The following BCAT1 variants were observed in gnomAD, a reference collection of about 807,000 sequenced individuals.
BCAT1 encodes branched-chain-amino-acid aminotransferase, cytosolic.
BCAT1 carries 48 observed loss-of-function variants against 52.4 expected under a neutral mutation model. That is an observed-to-expected ratio of 0.92 (90% CI 0.73 to 1.16). The LOEUF (loss-of-function observed/expected upper bound fraction) is 1.16, where lower values mean the gene tolerates loss of function less well. Ranked by LOEUF, BCAT1 falls within the 50% of genes most tolerant of loss-of-function variation. The probability of loss-of-function intolerance (pLI) is 0.00; values close to 1 mark genes in which losing one functional copy is unlikely to be tolerated. For missense variants in BCAT1, 451 were observed against 457.1 expected (o/e 0.99, Z 0.12); for synonymous variants, 167 against 161.3 (o/e 1.04, Z -0.27).
intron 6 of BCAT1, among the ~76,000 whole-genome samples, chr12:24,843,976 C>G (rs1941256576): frequency 6.6e-6 from 1 of 152,090 alleles, no homozygotes; most frequent in Admixed American, 6.5e-5. Context: ...AAGAAAGCGG[C>G]TGAAGTGGGA....
chr12:24,818,145 G>A, intron 10 of BCAT1, 96 bp from the exon 11 acceptor site: 1 of 1,223,740 alleles, frequency 8.2e-7, no homozygotes. Flanking sequence ...TACACAAAAG[G>A]TTCGCTTCTG....
Position 24,894,454 on chromosome 12 carries a change from G to A in BCAT1, c.100C>T (p.Pro34Ser). ...GGTTTTTCCTTTAAAATGGTAGCTGGTGTGACTATTAGGTCTTTAGCCTGG... is the reference window on the plus strand; with the variant it reads ...GGTTTTTCCTTTAAAATGGTAGCTGATGTGACTATTAGGTCTTTAGCCTGG... ...TFKAKDLIVT[P>S]ATILKEKPDP... Residue 34 changes from proline (P) to serine (S), a missense_variant, in exon 3 of 11, where the codon CCA (proline) becomes TCA (serine). Transcript: ENST00000261192. 6.3e-7 allele frequency: 1 copy of A among 1,595,778 alleles called. No homozygotes were observed. Among genetic ancestry groups the A allele is most frequent in the Non-Finnish European group, 8.5e-7 (1 of 1,170,226 alleles).
chr12:24,832,971 C>T, intron 8 of BCAT1, 108 bp from the exon 9 acceptor site: 5 of 1,188,256 alleles, frequency 4.2e-6, no homozygotes, highest in Non-Finnish European at 5.8e-6. Flanking sequence ...TAGACAAGGT[C>T]ACAATCATCC....
In BCAT1 at chr12:24,842,003, A is replaced by G. The variant is rs187628514; in HGVS notation, c.817+79T>C. 1.1e-4 allele frequency: 168 copies of G among 1,511,238 alleles called. 1 individual carries two copies. The highest frequency in any genetic ancestry group is 7.2e-4 in the East Asian group (32 of 44,328). The allele number at this position is 1,511,238 out of a possible 1,614,324, so 93.6% of individuals were successfully genotyped here. The stretch of plus-strand genomic sequence containing the variant: ...GGAACTGTGCTACTTACTCCCTTGT[A>G]CTAAGTTTCTAGCTCTTGTCTTTCT... On this transcript the variant is annotated intron_variant, in intron 7 of 10. Coordinates refer to ENST00000261192, the MANE Select transcript of BCAT1 (RefSeq NM_005504.7).
chr12:24,894,454 G>GT lies in BCAT1; in HGVS notation c.99dup (p.Pro34ThrfsTer13). 1 of 1,595,778 alleles carries GT rather than the reference G, an allele frequency of 6.3e-7. No homozygotes were observed. The highest frequency in any genetic ancestry group is 1.3e-5 in the African/African-American group (1 of 74,708). ...GGTTTTTCCTTTAAAATGGTAGCTG[G>GT]TGTGACTATTAGGTCTTTAGCCTGG... is the stretch of plus-strand genomic sequence containing the variant. On this transcript the variant is annotated frameshift_variant, in exon 3 of 11. Transcript: ENST00000261192. LOFTEE classifies it high-confidence loss of function.
At chr12:24,893,841 C>T (rs894238265) in intron 3 of BCAT1, among the ~76,000 whole-genome samples, 66 of 152,288 alleles carry the variant, frequency 4.3e-4, no homozygotes, top group African/African-American at 1.6e-3. Context: ...CATTTAATTA[C>T]ATGTCCCTTA....
chr12:24,881,689 G>A (rs1942502217), intron 3 of BCAT1, among the ~76,000 whole-genome samples: 1 of 152,150 alleles, frequency 6.6e-6, no homozygotes, highest in African/African-American at 2.4e-5. Context: ...ACACATTTAG[G>A]TGTTATTTAA....
At chr12:24,857,923 T>A (rs530714967) in intron 5 of BCAT1, among the ~76,000 whole-genome samples, 1 of 152,214 alleles carries the variant, frequency 6.6e-6, no homozygotes, top group African/African-American at 2.4e-5. Context: ...CACGTTTGGA[T>A]CAGAGAAGCA....
At chr12:24,827,380 A>G in intron 10 of BCAT1, among the ~76,000 whole-genome samples, 1 of 152,224 alleles carries the variant, frequency 6.6e-6, no homozygotes, top group Non-Finnish European at 1.5e-5. Context: ...GGTAGAAAAC[A>G]ACTCTGACTA....
At chr12:24,878,390 A>G in intron 5 of BCAT1, 140 bp downstream of exon 5, 1 of 798,334 alleles carries the variant, frequency 1.3e-6, no homozygotes, top group Non-Finnish European at 1.8e-6. Flanking sequence ...TGCTACCTCT[A>G]ATCTTGACAA....
intron 5 of BCAT1, among the ~76,000 whole-genome samples, chr12:24,868,946 A>G (rs1942102788): frequency 6.6e-6 from 1 of 152,246 alleles, no homozygotes; most frequent in African/African-American, 2.4e-5. Flanking sequence ...TGATATATGT[A>G]TCAAAGGATT....
intron 2 of BCAT1, among the ~76,000 whole-genome samples, chr12:24,899,099 A>T (rs553047518): frequency 2.0e-5 from 3 of 152,302 alleles, no homozygotes; most frequent in African/African-American, 7.2e-5. Context: ...GAAGAAATAG[A>T]TGGCTGACCT....
chr12:24,864,593 A>G (rs149686700), intron 5 of BCAT1, among the ~76,000 whole-genome samples: 81 of 152,248 alleles, frequency 5.3e-4, no homozygotes, highest in African/African-American at 1.8e-3. Context: ...CATTTTAACT[A>G]TCAGTTTTCC....
chr12:24,933,158 G>A (rs896922874), intron 1 of BCAT1, among the ~76,000 whole-genome samples: 1 of 106,598 alleles, frequency 9.4e-6, no homozygotes, highest in Non-Finnish European at 1.7e-5. Flanking sequence ...AAGCAGAGAT[G>A]AGGTTTCGCT....
chr12:24,828,567 T>C (rs2046526), intron 10 of BCAT1, among the ~76,000 whole-genome samples: 43,913 of 152,094 alleles, frequency 0.29, 6,821 homozygotes, highest in Non-Finnish European at 0.32. Context: ...GGTACATCAA[T>C]ATAATGGAAT....
chr12:24,846,585 G>A (rs534438010), intron 6 of BCAT1, among the ~76,000 whole-genome samples: 1 of 152,166 alleles, frequency 6.6e-6, no homozygotes, highest in Non-Finnish European at 1.5e-5. Flanking sequence ...CTAAGATAAA[G>A]AGAGTCCAGG....
chr12:24,816,441 T>C lies in BCAT1; in HGVS notation c.*1567A>G, dbSNP rs991207326. 23 of 397,752 alleles carry C rather than the reference T, an allele frequency of 5.8e-5. No individual in the cohort carries two copies. The highest frequency in any genetic ancestry group is 9.3e-5 in the Non-Finnish European group (21 of 225,572). 24.6% of individuals were successfully genotyped at this position (397,752 alleles called of 1,614,324 possible). On this transcript the variant is annotated 3_prime_UTR_variant, in exon 11 of 11. Transcript: ENST00000261192. ...CTTAGATAAACCACAAAGGATACAA[T>C]TTTAACTCACAGCTCCTAAACAAGG...
intron 1 of BCAT1, among the ~76,000 whole-genome samples, chr12:24,928,976 G>A (rs1202018123): frequency 6.6e-6 from 1 of 151,880 alleles, no homozygotes; most frequent in African/African-American, 2.4e-5. Flanking sequence ...GGCCAGGCTG[G>A]CCTCGAACTC....
In BCAT1 at chr12:24,832,838, T is replaced by A. The variant is rs1359295159; in HGVS notation, c.929A>T (p.Tyr310Phe). The A allele has an allele frequency of 6.2e-7, 1 of 1,612,128 alleles. No homozygotes were observed. Among genetic ancestry groups the A allele is most frequent in the Admixed American group, 1.7e-5 (1 of 59,742 alleles). ...TGTTGTCAAGTCATCCATGGTGAGGTATCTCTCTGACACCTTAAATTCACC... is the reference window on the plus strand; with the variant it reads ...TGTTGTCAAGTCATCCATGGTGAGGAATCTCTCTGACACCTTAAATTCACC... Reference protein sequence around the residue: ...QWGEFKVSERYLTMDDLTTAL... With the variant: ...QWGEFKVSERFLTMDDLTTAL... The change falls in exon 9 of 11, where the codon TAC becomes TTC. Residue 310 changes from tyrosine to phenylalanine, a missense_variant. By Grantham distance (22) the Tyr-to-Phe change is conservative. Transcript: ENST00000261192.
Sources: allele counts gnomAD v4.1 joint callset (sites outside exome capture counted in the v4.1 genomes callset), GRCh38; gene constraint gnomAD v4.1.1; transcripts MANE v1.5; gene names NCBI Gene and HGNC (gene_info 2026-07-23, HGNC 2026-07-21).